The following PCDHGB1 variants were observed in gnomAD, a reference collection of about 807,000 sequenced individuals.
The protein encoded by PCDHGB1 is protocadherin gamma-B1.
Under a neutral mutation model 56.6 loss-of-function variants are expected in PCDHGB1, and 34 were observed. The observed-to-expected ratio is 0.60, with a 90% confidence interval of 0.46 to 0.80. The LOEUF is 0.80. PCDHGB1 is among the 30% of genes least tolerant of loss of function. PCDHGB1 has a pLI of 0.00. For missense variants in PCDHGB1, 1,278 were observed against 1,204.6 expected, an observed-to-expected ratio of 1.06 and a Z score of -0.90; for synonymous variants, 561 against 505.9, an observed-to-expected ratio of 1.11 and a Z score of -1.46.
At position 141,486,873 on chromosome 5, in the gene PCDHGB1, G is replaced by A. The variant is rs769661146; in HGVS notation, c.2410-7934G>A. On this transcript the variant is annotated intron_variant, in intron 1 of 3. Transcript: ENST00000523390. This position sits in a 1 kb window ranked among gnomAD's most constrained non-coding sequence, Gnocchi z 5.0. ...AATGACAATGCTCCAGCTGTGCTCCGTCCTCGGGCCCGGCCTGGTTCCTTA... is the reference window on the plus strand; with the variant it reads ...AATGACAATGCTCCAGCTGTGCTCCATCCTCGGGCCCGGCCTGGTTCCTTA... 1.6e-5 allele frequency: 26 copies of A among 1,614,082 alleles called. No individual in the cohort carries two copies. Among genetic ancestry groups the A allele is most frequent in the African/African-American group, 4.0e-5 (3 of 74,922 alleles).
intron 1 of PCDHGB1, chr5:141,414,552 C>G: frequency 6.2e-7 from 1 of 1,613,984 alleles, no homozygotes; most frequent in Non-Finnish European, 8.5e-7. Context: ...TCTCTCAAGT[C>G]TCCTACTTTA....
chr5:141,441,179 C>G (rs150511376), intron 1 of PCDHGB1: 13 of 152,210 alleles, frequency 8.5e-5, no homozygotes, highest in South Asian at 2.1e-4. Context: ...ACTTCTAATT[C>G]CACAATGATT....
chr5:141,377,906 C>T (rs777974750), intron 1 of PCDHGB1: 1 of 152,280 alleles, frequency 6.6e-6, no homozygotes, highest in Non-Finnish European at 1.5e-5. Context: ...GTTGCCCAGT[C>T]TGGAGTAAAA....
At chr5:141,389,860 ACC>A (rs2091950057) in intron 1 of PCDHGB1, 1 of 1,613,934 alleles carries the variant, frequency 6.2e-7, no homozygotes, top group Non-Finnish European at 8.5e-7. Context: ...GCCACGTTGC[ACC>A]TGGTCTTCGC....
chr5:141,477,737 G>T lies in PCDHGB1; in HGVS notation c.2410-17070G>T, dbSNP rs1178108717. 1.2e-6 allele frequency: 2 copies of T among 1,613,846 alleles called. No homozygotes were observed. Among genetic ancestry groups the T allele is most frequent in the South Asian group, 1.1e-5 (1 of 91,088 alleles). ...ATTTGAATTAACAGCTCATATCAGC[G>T]ATGGGGGCACCCCGGTCCTAGCCAC... On this transcript the variant is annotated intron_variant, in intron 1 of 3. Coordinates refer to ENST00000523390, the MANE Select transcript of PCDHGB1 (RefSeq NM_018922.3). This position sits in a 1 kb window ranked among gnomAD's most constrained non-coding sequence, Gnocchi z 4.9.
chr5:141,423,050 G>C, intron 1 of PCDHGB1: 1 of 1,614,186 alleles, frequency 6.2e-7, no homozygotes, highest in Non-Finnish European at 8.5e-7. Flanking sequence ...CTGTCCTATC[G>C]CCTGCTTAAG....
intron 1 of PCDHGB1, chr5:141,387,564 A>G: frequency 4.5e-6 from 2 of 442,524 alleles, no homozygotes; most frequent in Non-Finnish European, 8.0e-6. Context: ...TAGGCACACA[A>G]TTATAATTAT....
intron 1 of PCDHGB1, chr5:141,355,841 C>A (rs1266019965): frequency 1.2e-6 from 2 of 1,612,290 alleles, no homozygotes; most frequent in East Asian, 4.5e-5. Context: ...GTTCTCACGG[C>A]CTTCGATGGA....
intron 1 of PCDHGB1, chr5:141,478,544 C>G (rs1371505487): frequency 6.2e-7 from 1 of 1,605,660 alleles, no homozygotes; most frequent in Admixed American, 1.7e-5. Flanking sequence ...CCCTCCCGGA[C>G]AGGTAAGGTT....
At chr5:141,418,068 C>T (rs1292846589) in intron 1 of PCDHGB1, 4 of 1,614,002 alleles carry the variant, frequency 2.5e-6, no homozygotes, top group Non-Finnish European at 3.4e-6. Flanking sequence ...CGAGTGAGCG[C>T]GGAGAAGCTG....
intron 1 of PCDHGB1, chr5:141,402,792 A>G (rs947158745): frequency 1.4e-5 from 14 of 1,008,956 alleles, no homozygotes; most frequent in Admixed American, 3.1e-5. Flanking sequence ...CTGCGGCTAC[A>G]CAAAACCCGG....
chr5:141,356,144 A>G, intron 1 of PCDHGB1: 2 of 1,613,620 alleles, frequency 1.2e-6, no homozygotes, highest in African/African-American at 1.3e-5. Context: ...TCTGGATTCT[A>G]TGACATAGAT....
intron 1 of PCDHGB1, chr5:141,394,355 G>A: frequency 6.2e-7 from 1 of 1,614,182 alleles, no homozygotes; most frequent in Non-Finnish European, 8.5e-7. Context: ...CCGGTGTCCT[G>A]TATGCGCTGC....
chr5:141,407,497 G>GTTTTTTT (rs1554102286), intron 1 of PCDHGB1, among the ~76,000 whole-genome samples: 1 of 152,088 alleles, frequency 6.6e-6, no homozygotes, highest in African/African-American at 2.4e-5. Context: ...CTTTATTTCT[G>GTTTTTTT]TTTTTCTTAG....
Position 141,431,142 on chromosome 5 carries a change from A to G in PCDHGB1, c.2410-63665A>G. ...GAAGTAGAAGTAAGGGACATTAACG[A>G]CAATGCGCCTTACTTTCGTGAAAGT... On this transcript the variant is annotated intron_variant, in intron 1 of 3. Coordinates refer to ENST00000523390, the MANE Select transcript of PCDHGB1 (RefSeq NM_018922.3). This position sits in a 1 kb window ranked among gnomAD's most constrained non-coding sequence, Gnocchi z 4.8. 1 of 1,614,240 alleles carries G rather than the reference A, an allele frequency of 6.2e-7. No individual in the cohort carries two copies. Among genetic ancestry groups the G allele is most frequent in the Non-Finnish European group, 8.5e-7 (1 of 1,180,024 alleles).
chr5:141,360,486 C>T, intron 1 of PCDHGB1: 1 of 1,613,944 alleles, frequency 6.2e-7, no homozygotes, highest in Non-Finnish European at 8.5e-7. Context: ...TAAATATTTT[C>T]TACATAGCAG....
chr5:141,415,759 T>TG (rs2095937522), intron 1 of PCDHGB1: 3 of 1,352,056 alleles, frequency 2.2e-6, no homozygotes, highest in Non-Finnish European at 2.9e-6. Flanking sequence ...TTTTTTTTTT[T>TG]TTTTTTTTTT....
At chr5:141,411,302 G>T (rs1165336405) in intron 1 of PCDHGB1, 1 of 152,134 alleles carries the variant, frequency 6.6e-6, no homozygotes, top group Admixed American at 6.6e-5. Context: ...AGGCCCAGTG[G>T]CTCACACCTA....
intron 1 of PCDHGB1, chr5:141,355,820 T>G (rs2149787914): frequency 6.2e-7 from 1 of 1,612,978 alleles, no homozygotes. Context: ...GAAGAGGCGG[T>G]TCACCACCTC....
Sources: allele counts gnomAD v4.1 joint callset (sites outside exome capture counted in the v4.1 genomes callset), GRCh38; gene constraint gnomAD v4.1.1; non-coding constraint Gnocchi (gnomAD v3.1); transcripts MANE v1.5; gene names NCBI Gene and HGNC (gene_info 2026-07-23, HGNC 2026-07-21).